Variants in ITGA3 observed in about 807,000 individuals in gnomAD.
ITGA3 encodes integrin alpha-3.
A neutral mutation model predicts 131.1 loss-of-function variants in ITGA3; 70 were observed. The observed-to-expected ratio is 0.53, with a 90% CI of 0.44 to 0.65. The LOEUF (loss-of-function observed/expected upper bound fraction) is 0.65, where lower values mean the gene tolerates loss of function less well. Ranked by LOEUF, ITGA3 falls within the 30% of genes least tolerant of loss-of-function variation. The pLI is 0.00. For synonymous variants in ITGA3, 537 were observed against 571.6 expected, an observed-to-expected ratio of 0.94 and a Z score of 0.86; for missense variants, 1,098 against 1,388.6, an observed-to-expected ratio of 0.79 and a Z score of 3.33.
intron 22 of ITGA3, among the ~76,000 whole-genome samples, chr17:50,080,933 T>C (rs531940862): frequency 6.6e-6 from 1 of 152,288 alleles, no homozygotes; most frequent in African/African-American, 2.4e-5. Flanking sequence ...GAGTTTCTGT[T>C]GCAACTACTC....
chr17:50,089,131 C>T lies in ITGA3; in HGVS notation c.*53C>T, dbSNP rs754066272. 8.1e-6 allele frequency: 13 copies of T among 1,613,388 alleles called. No homozygotes were observed. The East Asian group carries it at 1.1e-4, about 14-fold the overall frequency. On this transcript the variant is annotated 3_prime_UTR_variant, in exon 26 of 26. Transcript: ENST00000320031. ...CCAGTGTGACTTCTTTAAGCGGACCCGCTATTATCAGATCATGCCCAAGTA... is the reference window on the plus strand; with the variant it reads ...CCAGTGTGACTTCTTTAAGCGGACCTGCTATTATCAGATCATGCCCAAGTA...
At chr17:50,066,691 C>T (rs780446457) in intron 3 of ITGA3, among the ~76,000 whole-genome samples, 1 of 152,114 alleles carries the variant, frequency 6.6e-6, no homozygotes, top group Non-Finnish European at 1.5e-5. Flanking sequence ...GGGAGGATCA[C>T]TTGAACCCCG....
intron 4 of ITGA3, 68 bp downstream of exon 4, chr17:50,068,373 G>T: frequency 6.4e-7 from 1 of 1,565,564 alleles, no homozygotes; most frequent in Non-Finnish European, 8.7e-7. Context: ...TTAGCCACGG[G>T]GACAGCTGGC....
At chr17:50,088,573 G>C (rs948812623) in intron 25 of ITGA3, among the ~76,000 whole-genome samples, 9 of 152,184 alleles carry the variant, frequency 5.9e-5, no homozygotes, top group Non-Finnish European at 1.3e-4. Context: ...TTGGTGACTT[G>C]GGACCCCATG....
rs1352445870 is a variant in ITGA3 at position 50,077,028 on chromosome 17, C to T, written c.1977C>T (p.Asn659=). The T allele has an allele frequency of 1.2e-6, 2 of 1,611,352 alleles. No individual in the cohort carries two copies. Among genetic ancestry groups the T allele is most frequent in the Non-Finnish European group, 1.7e-6 (2 of 1,178,718 alleles). The part of the protein sequence containing the change: ...RKLLLSINVT[N]TRTSERSGED... ...TGCTCCTGAGCATCAACGTGACGAACACCCGGACCTCGGAGCGCTCCGGGG... is the reference window on the plus strand; with the variant it reads ...TGCTCCTGAGCATCAACGTGACGAATACCCGGACCTCGGAGCGCTCCGGGG... Residue 659 remains asparagine, a synonymous_variant, in exon 15 of 26, where the codon AAC becomes AAT. Transcript: ENST00000320031.
chr17:50,068,850 ATTTATTTATTTT>A (rs1228972325), intron 4 of ITGA3, among the ~76,000 whole-genome samples: 6 of 112,576 alleles, frequency 5.3e-5, no homozygotes, highest in African/African-American at 1.8e-4. Context: ...TTATTTATTT[ATTTATTTATTTT>A]TTTGAGACAG....
In ITGA3 at chr17:50,090,212, G is replaced by T. The variant is rs540455586; in HGVS notation, c.*1134G>T. On this transcript the variant is annotated 3_prime_UTR_variant, in exon 26 of 26. Coordinates refer to ENST00000320031, the MANE Select transcript of ITGA3 (RefSeq NM_002204.4). ...CAGCCAGACCCCACGCTGACCATGC[G>T]TCAGGGGCCTAGAGGTGGAGTTCTT... 2.2e-6 allele frequency: 1 copy of T among 456,446 alleles called. No homozygotes were observed. Among genetic ancestry groups the T allele is most frequent in the Non-Finnish European group, 4.4e-6 (1 of 226,840 alleles). The allele number at this position is 456,446 out of a possible 1,614,324, so 28.3% of individuals were successfully genotyped here.
intron 24 of ITGA3, 151 bp downstream of exon 24, chr17:50,088,020 G>A (rs1909540792): frequency 2.3e-6 from 3 of 1,298,038 alleles, no homozygotes; most frequent in Non-Finnish European, 3.1e-6. Flanking sequence ...CCAGCTTACA[G>A]TCTCACCCCT....
chr17:50,065,515 A>G, intron 3 of ITGA3: 1 of 152,240 alleles, frequency 6.6e-6, no homozygotes, highest in East Asian at 1.9e-4. Flanking sequence ...CAGTATCCAG[A>G]TAGGCACATA....
At chr17:50,059,412 G>A (rs1315944342) in intron 1 of ITGA3, among the ~76,000 whole-genome samples, 1 of 152,142 alleles carries the variant, frequency 6.6e-6, no homozygotes, top group African/African-American at 2.4e-5. Context: ...GGGTATCTGG[G>A]AAGCCCAGGG....
chr17:50,057,407 TCTC>T (rs1450175815), intron 1 of ITGA3, among the ~76,000 whole-genome samples: 3 of 152,162 alleles, frequency 2.0e-5, no homozygotes, highest in African/African-American at 7.2e-5. Flanking sequence ...TTTCTTCTGT[TCTC>T]CTTCCCCAAC....
In ITGA3 at chr17:50,064,652, T is replaced by C; in HGVS notation, c.414+45T>C. On this transcript the variant is annotated intron_variant, in intron 3 of 25. Transcript: ENST00000320031. The surrounding 1 kb of genome is among the most constrained non-coding windows in gnomAD (Gnocchi z 4.4). ...TGGCTCCTCCACCTCTACCCGGCTCTCCCCTCATCTCCAGAGCTGGGAGGA... is the reference window on the plus strand; with the variant it reads ...TGGCTCCTCCACCTCTACCCGGCTCCCCCCTCATCTCCAGAGCTGGGAGGA... 6.6e-7 allele frequency: 1 copy of C among 1,511,536 alleles called. No individual in the cohort carries two copies. The highest frequency in any genetic ancestry group is 1.2e-5 in the South Asian group (1 of 83,298). 93.6% of individuals were successfully genotyped at this position (1,511,536 alleles called of 1,614,324 possible).
In ITGA3 at chr17:50,056,678, G is replaced by T; in HGVS notation, c.206+33G>T. ...AAGCTGGAGGGTGTGGGGTGGGAGCGAGAGAGTGTGCGAGCGCGGGATGCG... is the reference window on the plus strand; with the variant it reads ...AAGCTGGAGGGTGTGGGGTGGGAGCTAGAGAGTGTGCGAGCGCGGGATGCG... On this transcript the variant is annotated intron_variant, in intron 1 of 25. Transcript: ENST00000320031. This position sits in a 1 kb window ranked among gnomAD's most constrained non-coding sequence, Gnocchi z 5.6. 6.4e-7 allele frequency: 1 copy of T among 1,570,448 alleles called. No homozygotes were observed. The highest frequency in any genetic ancestry group is 1.2e-5 in the South Asian group (1 of 85,752).
chr17:50,057,319 G>T (rs373809109), intron 1 of ITGA3, among the ~76,000 whole-genome samples: 2 of 152,350 alleles, frequency 1.3e-5, no homozygotes, highest in East Asian at 3.9e-4. Context: ...CATCTTCCCT[G>T]CATTCCACAG....
At chr17:50,061,133 G>A (rs1043230553) in intron 1 of ITGA3, among the ~76,000 whole-genome samples, 3 of 152,054 alleles carry the variant, frequency 2.0e-5, no homozygotes, top group Non-Finnish European at 4.4e-5. Flanking sequence ...ACTCTGGGGG[G>A]GTGAAGCGGG....
rs150990168 is a variant in ITGA3 at position 50,066,290 on chromosome 17, G to A, written c.414+1683G>A. On this transcript the variant is annotated intron_variant, in intron 3 of 25. Coordinates refer to ENST00000320031, the MANE Select transcript of ITGA3 (RefSeq NM_002204.4). ...GCTAGGATTTCAGGCGTGAGCCACCGTATGTGGCCCCATTTTTCTTTTTCT... is the reference window on the plus strand; with the variant it reads ...GCTAGGATTTCAGGCGTGAGCCACCATATGTGGCCCCATTTTTCTTTTTCT... Among the ~76,000 whole-genome samples the A allele has an allele frequency of 8.1e-3, 1,214 of 150,614 alleles. 2 individuals carry two copies. The highest frequency in any genetic ancestry group is 0.014 in the Middle Eastern group (4 of 290).
chr17:50,083,243 A>G (rs1909257757), intron 23 of ITGA3, among the ~76,000 whole-genome samples: 1 of 152,244 alleles, frequency 6.6e-6, no homozygotes, highest in African/African-American at 2.4e-5. Flanking sequence ...AAACAAAAAT[A>G]CAGTTAGATT....
intron 12 of ITGA3, among the ~76,000 whole-genome samples, 155 bp from the exon 13 acceptor site, chr17:50,076,171 A>T (rs1305189214): frequency 7.2e-6 from 1 of 139,110 alleles, no homozygotes; most frequent in Non-Finnish European, 1.5e-5. Flanking sequence ...AGGAAGTCGC[A>T]ATTTGGCGAC....
At chr17:50,079,581 A>G in intron 21 of ITGA3, 24 bp downstream of exon 21, 1 of 1,505,772 alleles carries the variant, frequency 6.6e-7, no homozygotes, top group Non-Finnish European at 8.9e-7. Context: ...GCGAGGTTGG[A>G]GGGGATTGCA....
Sources: allele counts gnomAD v4.1 joint callset (sites outside exome capture counted in the v4.1 genomes callset), GRCh38; gene constraint gnomAD v4.1.1; non-coding constraint Gnocchi (gnomAD v3.1); transcripts MANE v1.5; gene names NCBI Gene and HGNC (gene_info 2026-07-23, HGNC 2026-07-21).